ATF7IP: variants seen among roughly 807,000 people sequenced by gnomAD.
ATF7IP encodes the protein activating transcription factor 7 interacting protein, also known as activating transcription factor 7-interacting protein 1.
ATF7IP carries 23 observed loss-of-function variants against 106.4 expected under a neutral mutation model. The ratio of observed to expected loss-of-function variants is 0.22; its 90% CI spans 0.16 to 0.31. The LOEUF is 0.31. ATF7IP is among the 10% of genes least tolerant of loss of function. The pLI is 1.00. For missense variants in ATF7IP, 1,334 were observed against 1,524.3 expected, an observed-to-expected ratio of 0.88 and a Z score of 2.08; for synonymous variants, 542 against 539.0, an observed-to-expected ratio of 1.01 and a Z score of -0.08.
intron 4 of ATF7IP, among the ~76,000 whole-genome samples, chr12:14,437,873 G>A (rs1942481860): frequency 6.6e-6 from 1 of 151,974 alleles, no homozygotes; most frequent in South Asian, 2.1e-4. Flanking sequence ...CTAAAACGGT[G>A]AAACCCCGTC....
At chr12:14,493,657 C>T (rs1460556233) in intron 13 of ATF7IP, among the ~76,000 whole-genome samples, 1 of 152,136 alleles carries the variant, frequency 6.6e-6, no homozygotes, top group Non-Finnish European at 1.5e-5. Flanking sequence ...TTCTACACAC[C>T]CCCATTCCAA....
At chr12:14,494,573 TTATA>T (rs960489963) in intron 13 of ATF7IP, among the ~76,000 whole-genome samples, 15 of 147,770 alleles carry the variant, frequency 1.0e-4, no homozygotes, top group East Asian at 3.9e-4. Flanking sequence ...GTAAAATACT[TTATA>T]TATAGTGAAT....
Position 14,475,977 on chromosome 12 carries a change from A to G in ATF7IP, c.2941+9A>G, listed in dbSNP as rs759840086. 1.1e-5 allele frequency: 18 copies of G among 1,608,656 alleles called. No individual in the cohort carries two copies. Among genetic ancestry groups the G allele is most frequent in the South Asian group, 5.5e-5 (5 of 90,990 alleles). ...GAGTGGAGCTTCACAAGGTACTTCAATAGTAATTGTACTAAGCAACGTTTT... is the reference window on the plus strand; with the variant it reads ...GAGTGGAGCTTCACAAGGTACTTCAGTAGTAATTGTACTAAGCAACGTTTT... On this transcript the variant is annotated intron_variant, in intron 11 of 14. Coordinates refer to ENST00000261168, the MANE Select transcript of ATF7IP (RefSeq NM_018179.5).
At chr12:14,481,486 T>C (rs997876791) in intron 13 of ATF7IP, 11 of 452,810 alleles carry the variant, frequency 2.4e-5, no homozygotes, top group Admixed American at 1.4e-4. Context: ...CTGCAGTGTA[T>C]GCATATTTCA....
intron 6 of ATF7IP, among the ~76,000 whole-genome samples, chr12:14,448,909 G>T (rs973925213): frequency 6.6e-6 from 1 of 152,100 alleles, no homozygotes; most frequent in African/African-American, 2.4e-5. Context: ...TAGTGATGTT[G>T]AGCATCTTTT....
In ATF7IP at chr12:14,438,231, T is replaced by C; in HGVS notation, c.1893T>C (p.Cys631=). Residue 631 remains cysteine, a synonymous_variant, in exon 5 of 15, where the codon TGT becomes TGC. Coordinates refer to ENST00000261168, the MANE Select transcript of ATF7IP (RefSeq NM_018179.5). ...AAACACGAGTGGAAAAGATTGAATGTAACAAGAGGCATAAAACAGTTCTCA... is the reference window on the plus strand; with the variant it reads ...AAACACGAGTGGAAAAGATTGAATGCAACAAGAGGCATAAAACAGTTCTCA... The part of the protein sequence containing the change: ...ELKTRVEKIE[C]NKRHKTVLTE... 6.2e-7 allele frequency: 1 copy of C among 1,612,812 alleles called. No homozygotes were observed. Among genetic ancestry groups the C allele is most frequent in the Non-Finnish European group, 8.5e-7 (1 of 1,179,698 alleles).
intron 1 of ATF7IP, among the ~76,000 whole-genome samples, chr12:14,403,513 A>G (rs977585385): frequency 6.6e-6 from 1 of 152,160 alleles, no homozygotes; most frequent in African/African-American, 2.4e-5. Flanking sequence ...TATTTATTGA[A>G]TTGATTGTTG....
chr12:14,397,723 TCAA>T (rs1939931464), intron 1 of ATF7IP, among the ~76,000 whole-genome samples: 1 of 77,306 alleles, frequency 1.3e-5, no homozygotes, highest in Non-Finnish European at 4.0e-5. Flanking sequence ...AGGCTAAATA[TCAA>T]TATCTTTTAT....
intron 1 of ATF7IP, chr12:14,416,857 C>T: frequency 1.1e-6 from 1 of 933,528 alleles, no homozygotes; most frequent in Non-Finnish European, 1.3e-6. Context: ...AGTTCTCTCA[C>T]AGGACTGAAA....
rs184021769 is a variant in ATF7IP, at chr12:14,414,458, A to G, written c.-7-9451A>G. Among the ~76,000 whole-genome samples, 313 of 152,350 alleles carry G rather than the reference A, an allele frequency of 2.1e-3. No homozygotes were observed. The Middle Eastern group carries it at 0.024, about 12-fold the overall frequency. ...ACAAATTTGTAAACTTTCTTAAAAC[A>G]TTATGAAATTTTGTTTTTCAGCTCA... On this transcript the variant is annotated intron_variant, in intron 1 of 14. Transcript: ENST00000261168.
At chr12:14,423,836 C>T in intron 1 of ATF7IP, 73 bp from the exon 2 acceptor site, 1 of 1,468,736 alleles carries the variant, frequency 6.8e-7, no homozygotes, top group Non-Finnish European at 9.1e-7. Flanking sequence ...CTTCTAAGAT[C>T]AATTTGTATT....
rs2136897143 is a variant in ATF7IP at position 14,502,535 on chromosome 12, CTGTTTT to C, written c.*4469_*4474del. 1 of 151,914 alleles carries C rather than the reference CTGTTTT, an allele frequency of 6.6e-6. No individual in the cohort carries two copies. Among genetic ancestry groups the C allele is most frequent in the African/African-American group, 2.4e-5 (1 of 41,442 alleles). The allele number at this position is 151,914 out of a possible 1,614,324, so 9.4% of individuals were successfully genotyped here. On this transcript the variant is annotated 3_prime_UTR_variant, in exon 15 of 15. Transcript: ENST00000261168. ...ATTTTTTTGAGGTCTTTGTTTTTGT[CTGTTTT>C]TGTTTTGTTTTGTTTTGTAAATAAG...
At chr12:14,427,931 A>G (rs1003222885) in intron 2 of ATF7IP, among the ~76,000 whole-genome samples, 3 of 152,162 alleles carry the variant, frequency 2.0e-5, no homozygotes, top group Non-Finnish European at 4.4e-5. Context: ...TAAGAGAAGC[A>G]TATCATGGAG....
chr12:14,376,866 C>T (rs1306607339), intron 1 of ATF7IP, among the ~76,000 whole-genome samples: 1 of 150,278 alleles, frequency 6.7e-6, no homozygotes, highest in African/African-American at 2.4e-5. Context: ...GCAGAGGTTG[C>T]AGTGAGCCAA....
intron 4 of ATF7IP, 46 bp from the exon 5 acceptor site, chr12:14,438,084 G>T (rs368961957): frequency 4.4e-6 from 7 of 1,583,462 alleles, no homozygotes; most frequent in Non-Finnish European, 6.0e-6. Context: ...TTTATTGCTT[G>T]CTGGAATGCC....
At chr12:14,480,465 T>C (rs1591953301) in intron 12 of ATF7IP, among the ~76,000 whole-genome samples, 3 of 152,188 alleles carry the variant, frequency 2.0e-5, no homozygotes, top group South Asian at 4.1e-4. Context: ...TAAAAAAAGA[T>C]AGATTGGTTC....
At chr12:14,378,402 A>G (rs547925604) in intron 1 of ATF7IP, among the ~76,000 whole-genome samples, 16 of 152,034 alleles carry the variant, frequency 1.1e-4, no homozygotes, top group Non-Finnish European at 2.4e-4. Flanking sequence ...CCGGCCCTAT[A>G]TTCAGTATTT....
chr12:14,489,406 G>A (rs1286975605), intron 13 of ATF7IP, among the ~76,000 whole-genome samples: 2 of 152,098 alleles, frequency 1.3e-5, no homozygotes, highest in Non-Finnish European at 2.9e-5. Flanking sequence ...TTTGTCTCCT[G>A]GTGTGAGCGT....
At chr12:14,492,206 C>T (rs78042440) in intron 13 of ATF7IP, among the ~76,000 whole-genome samples, 5 of 152,156 alleles carry the variant, frequency 3.3e-5, no homozygotes, top group African/African-American at 9.7e-5. Flanking sequence ...AGACCTGAGA[C>T]AAAATTCCAT....
Sources: allele counts gnomAD v4.1 joint callset (sites outside exome capture counted in the v4.1 genomes callset), GRCh38; gene constraint gnomAD v4.1.1; transcripts MANE v1.5; gene names NCBI Gene and HGNC (gene_info 2026-07-23, HGNC 2026-07-21).